MLN: variants seen among roughly 807,000 people sequenced by gnomAD.
The protein encoded by MLN is motilin.
MLN carries 14 observed loss-of-function variants against 13.3 expected under a neutral mutation model. The ratio of observed to expected loss-of-function variants is 1.05; its 90% CI spans 0.69 to 1.64. The LOEUF (loss-of-function observed/expected upper bound fraction) is 1.64, where lower values mean the gene tolerates loss of function less well. MLN is among the 40% of genes most tolerant of loss of function. The pLI, the probability that MLN is intolerant of heterozygous loss-of-function variation, is 0.00. For synonymous variants in MLN, 59 were observed against 54.7 expected (o/e 1.08, Z -0.34); for missense variants, 122 against 142.9 (o/e 0.85, Z 0.75).
Position 33,795,547 on chromosome 6 carries a change from G to A in MLN, c.293C>T (p.Pro98Leu), listed in dbSNP as rs180677863. The A allele has an allele frequency of 2.9e-5, 45 of 1,567,526 alleles. No homozygotes were observed. The Admixed American group carries it at 4.1e-4, about 14-fold the overall frequency. ...RMNSRQLEKY[P>L]ATLEGLLSEM... Reference sequence around the variant, plus strand: ...ACTCAGCAGCCCTTCCAGGGTGGCCGGGTACTTTTCCAGCTGTCTGGAGTT... The same window carrying A: ...ACTCAGCAGCCCTTCCAGGGTGGCCAGGTACTTTTCCAGCTGTCTGGAGTT... Residue 98 changes from proline (P) to leucine (L), a missense_variant, in exon 4 of 5, where the codon CCG becomes CTG. Coordinates refer to ENST00000430124, the MANE Select transcript of MLN (RefSeq NM_002418.3).
intron 1 of MLN, among the ~76,000 whole-genome samples, chr6:33,802,370 C>A (rs1444333312): frequency 6.6e-6 from 1 of 152,152 alleles, no homozygotes. Flanking sequence ...TCAGATAAAG[C>A]GCTCCTCCAG....
Position 33,799,015 on chromosome 6 carries a change from A to G in MLN, c.234+90T>C. ...GATATCCTAGGACACTCTGAGGCTC[A>G]CTGTGGCTTGTGGGCTCTGCCTCCA... On this transcript the variant is annotated intron_variant, in intron 3 of 4. Transcript: ENST00000430124. This position sits in a 1 kb window ranked among gnomAD's most constrained non-coding sequence, Gnocchi z 4.6. 1 of 859,128 alleles carries G rather than the reference A, an allele frequency of 1.2e-6. No individual in the cohort carries two copies. Among genetic ancestry groups the G allele is most frequent in the Non-Finnish European group, 1.9e-6 (1 of 524,828 alleles). 53.2% of individuals were successfully genotyped at this position (859,128 alleles called of 1,614,324 possible). A position where few individuals can be genotyped will look rare whatever the true frequency, so the allele number is the denominator to read the frequency against.
intron 3 of MLN, among the ~76,000 whole-genome samples, chr6:33,796,080 C>T (rs1324760341): frequency 1.3e-5 from 2 of 151,956 alleles, no homozygotes; most frequent in Non-Finnish European, 2.9e-5. Flanking sequence ...CTGCCTCAGC[C>T]TCCCAAGTAG....
intron 3 of MLN, among the ~76,000 whole-genome samples, chr6:33,796,478 C>G (rs1044199606): frequency 1.3e-5 from 2 of 152,202 alleles, no homozygotes; most frequent in Non-Finnish European, 2.9e-5. Flanking sequence ...TTGATCTCCC[C>G]GTCCCCGCTC....
In MLN at chr6:33,794,833, C is replaced by T. The variant is rs1767870756; in HGVS notation, c.340G>A (p.Ala114Thr). ...TCTCCCCAGCGTGGCCATCACTTGGCTGCTGGAGAAAAGCAGAGGTTTGCG... is the reference window on the plus strand; with the variant it reads ...TCTCCCCAGCGTGGCCATCACTTGGTTGCTGGAGAAAAGCAGAGGTTTGCG... ...LLSEMLPQHA[A>T]K The change falls in exon 5 of 5, where the codon GCC (alanine) becomes ACC (threonine). Residue 114 changes from alanine (A) to threonine (T), a missense_variant and splice_region_variant. Transcript: ENST00000430124. 1 of 1,613,426 alleles carries T rather than the reference C, an allele frequency of 6.2e-7. No individual in the cohort carries two copies.
intron 3 of MLN, among the ~76,000 whole-genome samples, chr6:33,798,300 C>T (rs970977127): frequency 6.6e-6 from 1 of 152,188 alleles, no homozygotes; most frequent in African/African-American, 2.4e-5. Flanking sequence ...GAGATTTTGT[C>T]TGTTCACTAC....
chr6:33,797,111 C>A (rs1767944262), intron 3 of MLN, among the ~76,000 whole-genome samples: 1 of 152,242 alleles, frequency 6.6e-6, no homozygotes, highest in Non-Finnish European at 1.5e-5. Flanking sequence ...CCCAACAGCA[C>A]CGGGAAAGAT....
In MLN at chr6:33,797,687, C is replaced by T. The variant is rs536520006; in HGVS notation, c.234+1418G>A. On this transcript the variant is annotated intron_variant, in intron 3 of 4. Transcript: ENST00000430124. ...CTCCTTGCCCTGCCTCCTCCAAGAC[C>T]GCCCGAGGCCGAACTCTCTCTCTCT... 5.9e-5 allele frequency among the ~76,000 whole-genome samples: 9 copies of T among 152,172 alleles called. No homozygotes were observed. In the South Asian group the frequency reaches 1.7e-3, roughly 28 times the overall value.
chr6:33,800,901 C>T, intron 2 of MLN, 146 bp downstream of exon 2: 6 of 670,516 alleles, frequency 8.9e-6, no homozygotes, highest in Non-Finnish European at 1.6e-5. Flanking sequence ...CTGAGTGATG[C>T]CAGTGAAGGC....
chr6:33,799,272 T>C lies in MLN; in HGVS notation c.118-51A>G. The C allele has an allele frequency of 7.5e-7, 1 of 1,325,400 alleles. No individual in the cohort carries two copies. Among genetic ancestry groups the C allele is most frequent in the Non-Finnish European group, 1.1e-6 (1 of 923,264 alleles). The allele number at this position is 1,325,400 out of a possible 1,614,324, so 82.1% of individuals were successfully genotyped here. Reference sequence around the variant, plus strand: ...AAAACCGCCCTCCCTCAACCCACGCTGATGGCCCCTTGCCTGTCTCCATCT... The same window carrying C: ...AAAACCGCCCTCCCTCAACCCACGCCGATGGCCCCTTGCCTGTCTCCATCT... On this transcript the variant is annotated intron_variant, in intron 2 of 4. Transcript: ENST00000430124. This position sits in a 1 kb window ranked among gnomAD's most constrained non-coding sequence, Gnocchi z 4.6.
rs1356020095 is a variant in MLN, at chr6:33,799,853, G to A, written c.118-632C>T. 2.6e-5 allele frequency among the ~76,000 whole-genome samples: 4 copies of A among 152,116 alleles called. No individual in the cohort carries two copies. The highest frequency in any genetic ancestry group is 5.9e-5 in the Non-Finnish European group (4 of 68,012). ...TCCTGTCCAGCCCCCAGTCTTGCCC[G>A]GCATGCTGCTGGCCAGGTCCCTGAG... On this transcript the variant is annotated intron_variant, in intron 2 of 4. Transcript: ENST00000430124. The surrounding 1 kb of genome is among the most constrained non-coding windows in gnomAD (Gnocchi z 4.6).
chr6:33,801,016 G>T (rs1305532716), intron 2 of MLN, 31 bp downstream of exon 2: 2 of 1,533,238 alleles, frequency 1.3e-6, no homozygotes, highest in Admixed American at 1.7e-5. Flanking sequence ...CCTCAGCCTT[G>T]CTAGCAGGGC....
chr6:33,799,095 G>A lies in MLN; in HGVS notation c.234+10C>T. 6.3e-7 allele frequency: 1 copy of A among 1,579,848 alleles called. No individual in the cohort carries two copies. Among genetic ancestry groups the A allele is most frequent in the Non-Finnish European group, 8.7e-7 (1 of 1,150,670 alleles). ...TGAGTTTCTCTCCTTTGTCCCAGTT[G>A]TCTGCTCACCTTGATCATTTCGTTT... On this transcript the variant is annotated intron_variant, in intron 3 of 4. Transcript: ENST00000430124. This position sits in a 1 kb window ranked among gnomAD's most constrained non-coding sequence, Gnocchi z 4.6.
chr6:33,795,685 G>A (rs1767899740), intron 3 of MLN, 80 bp from the exon 4 acceptor site: 5 of 1,213,390 alleles, frequency 4.1e-6, no homozygotes, highest in Non-Finnish European at 5.9e-6. Flanking sequence ...GGTGGCAGGA[G>A]GGACCCTTGG....
intron 3 of MLN, among the ~76,000 whole-genome samples, chr6:33,796,838 G>T (rs1434877436): frequency 6.6e-6 from 1 of 152,226 alleles, no homozygotes; most frequent in Non-Finnish European, 1.5e-5. Flanking sequence ...GATGGAAAGA[G>T]GTGAGAGGTG....
chr6:33,803,227 C>A lies in MLN; in HGVS notation c.-8+726G>T, dbSNP rs1268354686. On this transcript the variant is annotated intron_variant, in intron 1 of 4. Transcript: ENST00000430124. This position sits in a 1 kb window ranked among gnomAD's most constrained non-coding sequence, Gnocchi z 4.5. ...GGGGGTGACCGTCTGCCCTCCCTTG[C>A]AGCACCCCTGGCCGGGCTAGCCTTG... Among the ~76,000 whole-genome samples the A allele has an allele frequency of 6.6e-6, 1 of 152,068 alleles. No homozygotes were observed. The highest frequency in any genetic ancestry group is 1.5e-5 in the Non-Finnish European group (1 of 68,008).
chr6:33,795,763 T>C (rs1767902296), intron 3 of MLN, among the ~76,000 whole-genome samples, 158 bp from the exon 4 acceptor site: 1 of 152,066 alleles, frequency 6.6e-6, no homozygotes, highest in Non-Finnish European at 1.5e-5. Flanking sequence ...CACCTTCCCC[T>C]AATTCTAACC....
intron 1 of MLN, among the ~76,000 whole-genome samples, chr6:33,802,299 G>C (rs2395400): frequency 1.3e-5 from 2 of 152,014 alleles, no homozygotes; most frequent in South Asian, 4.1e-4. Flanking sequence ...TCCAAGCAGG[G>C]AGGGGAGGCC....
At chr6:33,801,264 C>T (rs1768042098) in intron 1 of MLN, 94 bp from the exon 2 acceptor site, 2 of 860,046 alleles carry the variant, frequency 2.3e-6, no homozygotes, top group East Asian at 5.1e-5. Flanking sequence ...GGCCCATGCC[C>T]TACCTCTAGC....
Sources: gnomAD v4.1 joint callset for allele counts (sites outside exome capture counted in the v4.1 genomes callset) on GRCh38, gnomAD v4.1.1 for gene constraint, Gnocchi (gnomAD v3.1) non-coding constraint, MANE v1.5 for transcripts, NCBI Gene and HGNC (gene_info 2026-07-23, HGNC 2026-07-21) for gene names.